TNKS: variants seen among roughly 807,000 people sequenced by gnomAD.
TNKS encodes tankyrase.
TNKS carries 72 observed loss-of-function variants against 135.8 expected under a neutral mutation model. The ratio of observed to expected loss-of-function variants is 0.53; its 90% CI spans 0.44 to 0.64. The LOEUF is 0.64. Ranked by LOEUF, TNKS falls within the 30% of genes least tolerant of loss-of-function variation. The probability of loss-of-function intolerance (pLI) is 0.00; values close to 1 mark genes in which losing one functional copy is unlikely to be tolerated. For synonymous variants in TNKS, 849 were observed against 649.3 expected, an observed-to-expected ratio of 1.31 and a Z score of -4.68; for missense variants, 1,769 against 1,674.0, an observed-to-expected ratio of 1.06 and a Z score of -0.99.
At chr8:9,717,711 T>C (rs1804679482) in intron 11 of TNKS, among the ~76,000 whole-genome samples, 1 of 152,174 alleles carries the variant, frequency 6.6e-6, no homozygotes, top group Non-Finnish European at 1.5e-5. Flanking sequence ...TTGATCAAGA[T>C]CCTTCTCTTA....
At chr8:9,616,727 A>G (rs556291242) in intron 3 of TNKS, among the ~76,000 whole-genome samples, 8 of 152,232 alleles carry the variant, frequency 5.3e-5, no homozygotes, top group Non-Finnish European at 1.0e-4. Flanking sequence ...GAGTAATATG[A>G]CTTTTCTCAA....
Position 9,640,452 on chromosome 8 carries a change from T to C in TNKS, c.994+24775T>C, listed in dbSNP as rs1344449784. 1.4e-5 allele frequency among the ~76,000 whole-genome samples: 2 copies of C among 145,452 alleles called. 1 individual carries two copies. Among genetic ancestry groups the C allele is most frequent in the African/African-American group, 5.1e-5 (2 of 39,218 alleles). On this transcript the variant is annotated intron_variant, in intron 3 of 26. Transcript: ENST00000310430. ...TTCAAACCATATCATAAAGCTATAC[T>C]ATTTGAGTCACTTAATGGGTAATTG...
At chr8:9,643,483 C>T (rs1800796463) in intron 3 of TNKS, among the ~76,000 whole-genome samples, 1 of 151,850 alleles carries the variant, frequency 6.6e-6, no homozygotes, top group Admixed American at 6.6e-5. Context: ...CCCTCAGGAC[C>T]TAATCACCTC....
chr8:9,672,705 CACACACAAA>C (rs1026849344), intron 3 of TNKS, among the ~76,000 whole-genome samples: 3 of 112,186 alleles, frequency 2.7e-5, no homozygotes, highest in East Asian at 2.9e-4. Context: ...CACACACACA[CACACACAAA>C]AAAAAAAAAA....
intron 3 of TNKS, among the ~76,000 whole-genome samples, chr8:9,663,379 CGT>C (rs1213391359): frequency 1.3e-5 from 2 of 152,146 alleles, no homozygotes; most frequent in Admixed American, 6.5e-5. Flanking sequence ...AATACAAACA[CGT>C]GTGTGTATAT....
chr8:9,621,140 C>T (rs1799851737), intron 3 of TNKS, among the ~76,000 whole-genome samples: 1 of 152,036 alleles, frequency 6.6e-6, no homozygotes. Flanking sequence ...AACATAAGTG[C>T]ATTTTAAAAA....
At chr8:9,690,355 T>C (rs1356590890) in intron 5 of TNKS, among the ~76,000 whole-genome samples, 1 of 152,214 alleles carries the variant, frequency 6.6e-6, no homozygotes, top group Non-Finnish European at 1.5e-5. Context: ...CTCACAGAGA[T>C]TACCCTATGG....
intron 14 of TNKS, among the ~76,000 whole-genome samples, chr8:9,732,752 C>G (rs1805507339): frequency 6.6e-6 from 1 of 152,138 alleles, no homozygotes; most frequent in African/African-American, 2.4e-5. Flanking sequence ...CATTTCTCAT[C>G]TGAGTAGAAC....
intron 17 of TNKS, among the ~76,000 whole-genome samples, chr8:9,746,838 C>T (rs1279265117): frequency 2.0e-5 from 3 of 150,864 alleles, no homozygotes; most frequent in African/African-American, 7.4e-5. Context: ...CAGAAGGTGC[C>T]TACCTCAGTG....
intron 20 of TNKS, among the ~76,000 whole-genome samples, chr8:9,756,668 A>G (rs1054785267): frequency 2.0e-5 from 3 of 152,166 alleles, no homozygotes; most frequent in African/African-American, 4.8e-5. Context: ...AGATATTTCT[A>G]TTTCTTTTGT....
rs896263786 is a variant in TNKS at position 9,781,509 on chromosome 8, T to C, written c.*4773T>C. ...GATAGCCTAGACCTAGAAGATGACC[T>C]TGAGTATGTAAACATTGTCTCCGTG... is the stretch of plus-strand genomic sequence containing the variant. On this transcript the variant is annotated 3_prime_UTR_variant, in exon 27 of 27. Coordinates refer to ENST00000310430, the MANE Select transcript of TNKS (RefSeq NM_003747.3). The C allele has an allele frequency of 2.6e-5, 4 of 152,212 alleles. No individual in the cohort carries two copies. Among genetic ancestry groups the C allele is most frequent in the Non-Finnish European group, 5.9e-5 (4 of 68,042 alleles). The allele number at this position is 152,212 out of a possible 1,614,324, so 9.4% of individuals were successfully genotyped here. A position where few individuals can be genotyped will look rare whatever the true frequency, so the allele number is the denominator to read the frequency against.
intron 1 of TNKS, among the ~76,000 whole-genome samples, chr8:9,579,588 C>G: frequency 6.6e-6 from 1 of 152,168 alleles, no homozygotes; most frequent in East Asian, 1.9e-4. Flanking sequence ...CGTGCCTCAG[C>G]CTCCCAAGTA....
intron 26 of TNKS, among the ~76,000 whole-genome samples, chr8:9,774,234 A>G (rs1023269763): frequency 2.0e-5 from 3 of 152,212 alleles, no homozygotes; most frequent in Admixed American, 6.5e-5. Flanking sequence ...GATTTCAGCT[A>G]CTTTACTGAA....
chr8:9,610,601 G>A (rs966243078), intron 2 of TNKS, among the ~76,000 whole-genome samples: 7 of 151,974 alleles, frequency 4.6e-5, no homozygotes, highest in Non-Finnish European at 1.0e-4. Flanking sequence ...AATTTTCTTT[G>A]CTTAAAAAAT....
chr8:9,644,930 A>AT (rs1428335329), intron 3 of TNKS, among the ~76,000 whole-genome samples: 1 of 152,166 alleles, frequency 6.6e-6, no homozygotes, highest in Non-Finnish European at 1.5e-5. Context: ...GTGTGAGATG[A>AT]TTTTGCCCCA....
Position 9,613,373 on chromosome 8 carries a change from C to T in TNKS, c.899-2209C>T, listed in dbSNP as rs565518663. Among the ~76,000 whole-genome samples the T allele has an allele frequency of 3.3e-5, 5 of 152,298 alleles. No homozygotes were observed. The East Asian group carries it at 9.6e-4, about 29-fold the overall frequency. On this transcript the variant is annotated intron_variant, in intron 2 of 26. Coordinates refer to ENST00000310430, the MANE Select transcript of TNKS (RefSeq NM_003747.3). The stretch of plus-strand genomic sequence containing the variant: ...TTGCTTGTCACTTTATGTTCTAATT[C>T]AGTCCTCCTGGCAATCTTGTAATCT...
intron 20 of TNKS, among the ~76,000 whole-genome samples, chr8:9,754,971 C>T (rs1371649594): frequency 6.6e-6 from 1 of 152,164 alleles, no homozygotes; most frequent in Non-Finnish European, 1.5e-5. Context: ...CTGCTGTTCC[C>T]ATATTACAGC....
At chr8:9,581,573 A>G (rs1314311730) in intron 2 of TNKS, among the ~76,000 whole-genome samples, 1 of 152,160 alleles carries the variant, frequency 6.6e-6, no homozygotes, top group East Asian at 1.9e-4. Flanking sequence ...GATAACTATT[A>G]TTGAGCTTGG....
intron 3 of TNKS, among the ~76,000 whole-genome samples, chr8:9,641,132 G>A (rs535957344): frequency 1.4e-5 from 2 of 146,068 alleles, no homozygotes; most frequent in South Asian, 4.4e-4. Flanking sequence ...TCAGTTACAG[G>A]TGTGTTCCTG....
Sources: allele counts gnomAD v4.1 joint callset (sites outside exome capture counted in the v4.1 genomes callset), GRCh38; gene constraint gnomAD v4.1.1; transcripts MANE v1.5; gene names NCBI Gene and HGNC (gene_info 2026-07-23, HGNC 2026-07-21).